The following DOCK3 variants were observed in gnomAD, a reference collection of about 807,000 sequenced individuals.
The protein encoded by DOCK3 is dedicator of cytokinesis protein 3.
DOCK3 carries 60 observed loss-of-function variants against 265.6 expected under a neutral mutation model. That is an observed-to-expected ratio of 0.23 (90% CI 0.18 to 0.28). DOCK3 has a LOEUF of 0.28. Among genes scored for constraint, DOCK3 ranks in the 10% least tolerant of loss-of-function variants. DOCK3 has a pLI of 1.00. For missense variants in DOCK3, 1,981 were observed against 2,594.3 expected, an observed-to-expected ratio of 0.76 and a Z score of 5.14; for synonymous variants, 881 against 938.0, an observed-to-expected ratio of 0.94 and a Z score of 1.11.
chr3:50,877,718 G>A (rs1174248394), intron 3 of DOCK3: 1 of 352,276 alleles, frequency 2.8e-6, no homozygotes, highest in Non-Finnish European at 5.5e-6. Flanking sequence ...TGTGTCACCA[G>A]GCTGGAGTGC....
At chr3:51,101,560 A>C (rs974429419) in intron 9 of DOCK3, among the ~76,000 whole-genome samples, 1 of 152,254 alleles carries the variant, frequency 6.6e-6, no homozygotes, top group African/African-American at 2.4e-5. Flanking sequence ...TTCAACTTAC[A>C]GTGAAAACTA....
intron 5 of DOCK3, among the ~76,000 whole-genome samples, chr3:50,943,458 A>C (rs185757151): frequency 6.6e-6 from 1 of 152,162 alleles, no homozygotes; most frequent in Non-Finnish European, 1.5e-5. Flanking sequence ...TACAGATTAT[A>C]TGTAAAGTAT....
chr3:50,882,426 A>T (rs550567913), intron 3 of DOCK3, among the ~76,000 whole-genome samples: 26 of 152,306 alleles, frequency 1.7e-4, no homozygotes, highest in African/African-American at 6.0e-4. Context: ...ACAAGAAAAA[A>T]TCAAACAACC....
intron 1 of DOCK3, among the ~76,000 whole-genome samples, chr3:50,726,345 G>A (rs1392403892): frequency 6.6e-6 from 1 of 152,156 alleles, no homozygotes; most frequent in Non-Finnish European, 1.5e-5. Context: ...ATCTAGGAAG[G>A]GAGAGACTGG....
intron 5 of DOCK3, among the ~76,000 whole-genome samples, chr3:50,941,224 G>A (rs1463173685): frequency 6.6e-6 from 1 of 152,128 alleles, no homozygotes. Flanking sequence ...AAATGGAACA[G>A]CAATACAACA....
At chr3:51,224,429 G>C (rs1170462223) in intron 14 of DOCK3, among the ~76,000 whole-genome samples, 1 of 152,154 alleles carries the variant, frequency 6.6e-6, no homozygotes, top group Non-Finnish European at 1.5e-5. Flanking sequence ...TTATTAGAGA[G>C]GTAGTCAGTG....
chr3:51,280,710 G>C (rs1233675204), intron 27 of DOCK3, among the ~76,000 whole-genome samples: 1 of 152,086 alleles, frequency 6.6e-6, no homozygotes, highest in Non-Finnish European at 1.5e-5. Context: ...TTTTATCACA[G>C]ATTGCTATAC....
At chr3:50,979,213 G>T (rs891241833) in intron 5 of DOCK3, among the ~76,000 whole-genome samples, 10 of 152,244 alleles carry the variant, frequency 6.6e-5, no homozygotes, top group African/African-American at 2.2e-4. Context: ...AACTACTTTA[G>T]TCAGTGTTTT....
At chr3:51,254,882 A>G (rs981010832) in intron 22 of DOCK3, among the ~76,000 whole-genome samples, 2 of 152,104 alleles carry the variant, frequency 1.3e-5, no homozygotes, top group African/African-American at 4.8e-5. Context: ...AGGTTAATAT[A>G]GTTATATGTG....
intron 5 of DOCK3, among the ~76,000 whole-genome samples, chr3:50,970,929 AT>A (rs2077199155): frequency 1.1e-4 from 8 of 71,396 alleles, no homozygotes; most frequent in East Asian, 4.7e-4. Flanking sequence ...ATATATATAT[AT>A]ATATATATAT....
At chr3:51,336,341 T>G (rs994272699) in intron 35 of DOCK3, among the ~76,000 whole-genome samples, 38 of 118,388 alleles carry the variant, frequency 3.2e-4, no homozygotes, top group African/African-American at 5.5e-4. Context: ...GGTTTTTTTG[T>G]TTTTTTTTTT....
At chr3:50,892,015 G>C (rs984622686) in intron 4 of DOCK3, among the ~76,000 whole-genome samples, 1 of 152,066 alleles carries the variant, frequency 6.6e-6, no homozygotes, top group South Asian at 2.1e-4. Flanking sequence ...ATCTTAGAAA[G>C]CTATTTGGAA....
chr3:51,334,247 T>A (rs2084719062), intron 35 of DOCK3, among the ~76,000 whole-genome samples: 1 of 152,196 alleles, frequency 6.6e-6, no homozygotes, highest in African/African-American at 2.4e-5. Context: ...CCTTAATCAT[T>A]CTCTCAGCAG....
chr3:50,820,777 T>A (rs1260953120), intron 2 of DOCK3, among the ~76,000 whole-genome samples: 1 of 150,470 alleles, frequency 6.6e-6, no homozygotes, highest in Non-Finnish European at 1.5e-5. Context: ...TACATTCCCA[T>A]CAAAAAGTGT....
intron 5 of DOCK3, among the ~76,000 whole-genome samples, chr3:50,983,078 C>T (rs1445225514): frequency 6.6e-6 from 1 of 152,204 alleles, no homozygotes; most frequent in Non-Finnish European, 1.5e-5. Flanking sequence ...ACAGCCCAGC[C>T]AGGTGTGTGC....
At chr3:51,266,997 A>G (rs1446560139) in intron 23 of DOCK3, among the ~76,000 whole-genome samples, 1 of 152,120 alleles carries the variant, frequency 6.6e-6, no homozygotes, top group African/African-American at 2.4e-5. Context: ...ACCATCAAAA[A>G]GTGGGCGAAG....
At chr3:50,803,006 C>T (rs1337856840) in intron 2 of DOCK3, among the ~76,000 whole-genome samples, 1 of 144,860 alleles carries the variant, frequency 6.9e-6, no homozygotes, top group Non-Finnish European at 1.5e-5. Flanking sequence ...TTCAAAAGAC[C>T]TGTCTTGAAG....
intron 5 of DOCK3, among the ~76,000 whole-genome samples, chr3:51,007,233 C>G (rs1160158318): frequency 1.3e-5 from 2 of 152,194 alleles, no homozygotes; most frequent in East Asian, 1.9e-4. Flanking sequence ...AGTTTACAGT[C>G]CCACCAACAG....
chr3:51,235,091 C>T (rs947501083), intron 19 of DOCK3, among the ~76,000 whole-genome samples: 2 of 152,154 alleles, frequency 1.3e-5, no homozygotes, highest in Non-Finnish European at 2.9e-5. Context: ...TCCATTAACT[C>T]AATAATACAC....
Sources: allele counts gnomAD v4.1 joint callset (sites outside exome capture counted in the v4.1 genomes callset), GRCh38; gene constraint gnomAD v4.1.1; transcripts MANE v1.5; gene names NCBI Gene and HGNC (gene_info 2026-07-23, HGNC 2026-07-21).